The following ANKFN1 variants were observed in gnomAD, a reference collection of about 807,000 sequenced individuals.
The protein encoded by ANKFN1 is ankyrin repeat and fibronectin type III domain containing 1.
ANKFN1 carries 74 observed loss-of-function variants against 108.7 expected under a neutral mutation model. That is an observed-to-expected ratio of 0.68 (90% CI 0.56 to 0.83). The LOEUF (loss-of-function observed/expected upper bound fraction) is 0.83, where lower values mean the gene tolerates loss of function less well. ANKFN1 is among the 40% of genes least tolerant of loss of function. The probability of loss-of-function intolerance (pLI) is 0.00; values close to 1 mark genes in which losing one functional copy is unlikely to be tolerated. For missense variants in ANKFN1, 1,505 were observed against 1,382.3 expected (o/e 1.09, Z -1.41); for synonymous variants, 547 against 516.2 (o/e 1.06, Z -0.81).
intron 3 of ANKFN1, among the ~76,000 whole-genome samples, chr17:56,279,481 T>C (rs1005339857): frequency 6.6e-6 from 1 of 152,236 alleles, no homozygotes; most frequent in African/African-American, 2.4e-5. Context: ...CAGTCTTTTG[T>C]TTTTATAGCT....
intron 4 of ANKFN1, among the ~76,000 whole-genome samples, chr17:56,054,864 T>C (rs1199460106): frequency 6.6e-6 from 1 of 152,116 alleles, no homozygotes; most frequent in Non-Finnish European, 1.5e-5. Context: ...CCAGCCTGGG[T>C]GACAGAGCAA....
chr17:56,340,595 C>T (rs1256420884), intron 4 of ANKFN1, among the ~76,000 whole-genome samples: 2 of 151,844 alleles, frequency 1.3e-5, no homozygotes, highest in African/African-American at 4.8e-5. Context: ...TCAACTTTGT[C>T]GAAGATCAGA....
chr17:56,233,235 T>A (rs1042735586), intron 3 of ANKFN1, among the ~76,000 whole-genome samples: 7 of 152,114 alleles, frequency 4.6e-5, no homozygotes, highest in African/African-American at 1.7e-4. Context: ...ACAACTTTGA[T>A]AGAACTTGTT....
intron 20 of ANKFN1, among the ~76,000 whole-genome samples, chr17:56,501,527 A>T (rs538872415): frequency 4.6e-5 from 7 of 152,344 alleles, no homozygotes; most frequent in African/African-American, 1.4e-4. Flanking sequence ...GTGGTTGGGC[A>T]TGTTGAATTT....
At chr17:56,092,562 C>A (rs1905440351) in intron 4 of ANKFN1, among the ~76,000 whole-genome samples, 1 of 151,152 alleles carries the variant, frequency 6.6e-6, no homozygotes, top group Non-Finnish European at 1.5e-5. Flanking sequence ...GCGTGAGCCA[C>A]CGCGCCCAGT....
chr17:56,355,506 T>C (rs952317618), intron 6 of ANKFN1, among the ~76,000 whole-genome samples: 1 of 152,134 alleles, frequency 6.6e-6, no homozygotes, highest in Non-Finnish European at 1.5e-5. Flanking sequence ...AGGGACCAGA[T>C]TATGCAGGAC....
chr17:56,353,483 C>T (rs1289415461), intron 5 of ANKFN1, among the ~76,000 whole-genome samples: 1 of 152,120 alleles, frequency 6.6e-6, no homozygotes, highest in Non-Finnish European at 1.5e-5. Context: ...GTGATCTGCC[C>T]ACCTTGGCCT....
intron 4 of ANKFN1, among the ~76,000 whole-genome samples, chr17:56,084,129 C>G (rs913171453): frequency 6.6e-6 from 1 of 151,062 alleles, no homozygotes; most frequent in Admixed American, 6.6e-5. Flanking sequence ...GAAATCTTGA[C>G]TTCTATCGAA....
Position 56,514,403 on chromosome 17 carries a change from C to T in ANKFN1, c.*3134C>T, listed in dbSNP as rs2051856936. On this transcript the variant is annotated 3_prime_UTR_variant, in exon 21 of 21. Transcript: ENST00000682825. Reference sequence around the variant, plus strand: ...AAGAGGCAGGAGCCTGTCTCCTCAGCCAGGCAGACATAGTGCATGTTGGGC... The same window carrying T: ...AAGAGGCAGGAGCCTGTCTCCTCAGTCAGGCAGACATAGTGCATGTTGGGC... 6.6e-6 allele frequency among the ~76,000 whole-genome samples: 1 copy of T among 152,174 alleles called. No individual in the cohort carries two copies. Among genetic ancestry groups the T allele is most frequent in the Non-Finnish European group, 1.5e-5 (1 of 68,038 alleles).
At chr17:56,298,480 T>C (rs1230984126) in intron 3 of ANKFN1, among the ~76,000 whole-genome samples, 1 of 152,242 alleles carries the variant, frequency 6.6e-6, no homozygotes, top group Admixed American at 6.5e-5. Context: ...GTTTTTCAAT[T>C]TCTTTTTCTT....
chr17:56,107,349 C>T (rs1001572719), intron 4 of ANKFN1, among the ~76,000 whole-genome samples: 2 of 152,084 alleles, frequency 1.3e-5, no homozygotes, highest in African/African-American at 4.8e-5. Context: ...CCATCCATGT[C>T]CCCAAAAAAA....
chr17:56,381,974 C>A (rs2047118662), intron 8 of ANKFN1, among the ~76,000 whole-genome samples: 1 of 151,846 alleles, frequency 6.6e-6, no homozygotes, highest in Admixed American at 6.6e-5. Flanking sequence ...AACTCCAAGA[C>A]ACATAATTGT....
intron 6 of ANKFN1, among the ~76,000 whole-genome samples, chr17:56,370,152 C>G (rs573592262): frequency 1.3e-5 from 2 of 152,098 alleles, no homozygotes; most frequent in African/African-American, 4.8e-5. Flanking sequence ...GTTTGAGGTG[C>G]GCTGGGATGT....
In ANKFN1 at chr17:56,406,563, C is replaced by G. The variant is rs561007795; in HGVS notation, c.910+31849C>G. Among the ~76,000 whole-genome samples, 45 of 152,212 alleles carry G rather than the reference C, an allele frequency of 3.0e-4. No homozygotes were observed. In the Middle Eastern group the frequency reaches 0.01, roughly 35 times the overall value. On this transcript the variant is annotated intron_variant, in intron 8 of 20. Coordinates refer to ENST00000682825, the MANE Select transcript of ANKFN1 (RefSeq NM_001370326.1). The stretch of plus-strand genomic sequence containing the variant: ...TTTAATTTTTGTGTAATATTAGAAC[C>G]ATAAACCCTCTCTCTTTCAGATGGG...
chr17:56,405,347 C>T (rs1229808775), intron 8 of ANKFN1, among the ~76,000 whole-genome samples: 2 of 152,208 alleles, frequency 1.3e-5, no homozygotes, highest in Non-Finnish European at 2.9e-5. Flanking sequence ...TATCACTTTT[C>T]ACCTTTCAGA....
chr17:56,092,575 G>A (rs1241692358), intron 4 of ANKFN1, among the ~76,000 whole-genome samples: 1 of 151,024 alleles, frequency 6.6e-6, no homozygotes, highest in Non-Finnish European at 1.5e-5. Flanking sequence ...CGCCCAGTCG[G>A]TAGTATGTTT....
At chr17:56,436,114 T>G (rs1269323225) in intron 8 of ANKFN1, among the ~76,000 whole-genome samples, 2 of 152,138 alleles carry the variant, frequency 1.3e-5, no homozygotes, top group Non-Finnish European at 2.9e-5. Flanking sequence ...ATAATGGCAG[T>G]GTTCAGGTAG....
chr17:56,286,183 C>T (rs909956248), intron 3 of ANKFN1, among the ~76,000 whole-genome samples: 1 of 152,066 alleles, frequency 6.6e-6, no homozygotes, highest in Non-Finnish European at 1.5e-5. Flanking sequence ...TCAAACATTA[C>T]GAATGGAAAG....
chr17:56,127,503 G>A (rs1259045124), intron 4 of ANKFN1, among the ~76,000 whole-genome samples: 14 of 152,122 alleles, frequency 9.2e-5, no homozygotes, highest in African/African-American at 3.4e-4. Context: ...TAGTAGAGAC[G>A]GGGTTTTGCC....
Sources: allele counts gnomAD v4.1 joint callset (sites outside exome capture counted in the v4.1 genomes callset), GRCh38; gene constraint gnomAD v4.1.1; transcripts MANE v1.5; gene names NCBI Gene and HGNC (gene_info 2026-07-23, HGNC 2026-07-21).